Variants in VAV3 observed in about 807,000 individuals in gnomAD.
VAV3 encodes guanine nucleotide exchange factor VAV3.
Under a neutral mutation model 131.2 loss-of-function variants are expected in VAV3, and 94 were observed. The observed-to-expected ratio is 0.72, with a 90% CI of 0.61 to 0.85. The LOEUF (loss-of-function observed/expected upper bound fraction) is 0.85. Ranked by LOEUF, VAV3 falls within the 40% of genes least tolerant of loss-of-function variation. The probability of loss-of-function intolerance (pLI) is 0.00; values close to 1 mark genes in which losing one functional copy is unlikely to be tolerated. For synonymous variants in VAV3, 349 were observed against 342.0 expected (o/e 1.02, Z -0.22); for missense variants, 939 against 1,002.7 (o/e 0.94, Z 0.86).
chr1:107,586,311 A>G (rs370027221), intron 25 of VAV3, among the ~76,000 whole-genome samples: 1 of 152,316 alleles, frequency 6.6e-6, no homozygotes, highest in East Asian at 1.9e-4. Flanking sequence ...GCCCTGAAGT[A>G]GGCTCTCAAT....
At chr1:107,815,357 T>C (rs1291998276) in intron 2 of VAV3, among the ~76,000 whole-genome samples, 1 of 152,218 alleles carries the variant, frequency 6.6e-6, no homozygotes, top group Non-Finnish European at 1.5e-5. Context: ...TCACAGCAAC[T>C]GGCAGCAGCA....
chr1:107,757,313 G>GT lies in VAV3; in HGVS notation c.1033dup (p.Thr345AsnfsTer3), dbSNP rs757662530. 2 of 1,613,056 alleles carry GT rather than the reference G, an allele frequency of 1.2e-6. No homozygotes were observed. Among genetic ancestry groups the GT allele is most frequent in the South Asian group, 2.2e-5 (2 of 90,934 alleles). The stretch of plus-strand genomic sequence containing the variant: ...ATTTGCCTTCTCAGTCGGATCAGTG[G>GT]TATGTTTGACCAGTTCCTATTTGGA... On this transcript the variant is annotated frameshift_variant, in exon 11 of 27. Transcript: ENST00000370056. LOFTEE classifies it high-confidence loss of function.
At chr1:107,575,020 C>CTTT (rs1649539389) in intron 25 of VAV3, among the ~76,000 whole-genome samples, 3 of 71,004 alleles carry the variant, frequency 4.2e-5, no homozygotes, top group Non-Finnish European at 5.9e-5. Flanking sequence ...CGCGCGCACA[C>CTTT]GCGCGCGTGT....
At chr1:107,616,495 G>A (rs1204061217) in intron 21 of VAV3, among the ~76,000 whole-genome samples, 1 of 152,138 alleles carries the variant, frequency 6.6e-6, no homozygotes, top group Admixed American at 6.6e-5. Flanking sequence ...ACTATGCTTA[G>A]AAACTGAGTG....
rs529956560 is a variant in VAV3, at chr1:107,726,116, C to T, written c.1503-21055G>A. Reference sequence around the variant, plus strand: ...TTAAATAATAATGTGTGACAGCCTACCTTCAGGATATTTGAAAAAAATCAA... The same window carrying T: ...TTAAATAATAATGTGTGACAGCCTATCTTCAGGATATTTGAAAAAAATCAA... On this transcript the variant is annotated intron_variant, in intron 15 of 26. Transcript: ENST00000370056. Among the ~76,000 whole-genome samples, 82 of 152,148 alleles carry T rather than the reference C, an allele frequency of 5.4e-4. 1 individual carries two copies. The highest frequency in any genetic ancestry group is 2.9e-5 in the Non-Finnish European group (2 of 68,016).
intron 1 of VAV3, among the ~76,000 whole-genome samples, chr1:107,955,480 A>G (rs1674762425): frequency 6.6e-6 from 1 of 152,030 alleles, no homozygotes; most frequent in Non-Finnish European, 1.5e-5. Flanking sequence ...GGCATCCTCA[A>G]TCAAGCCAAA....
chr1:107,797,160 A>G (rs1283590677), intron 2 of VAV3, among the ~76,000 whole-genome samples: 1 of 152,168 alleles, frequency 6.6e-6, no homozygotes, highest in Non-Finnish European at 1.5e-5. Flanking sequence ...TGTCAATTTT[A>G]TATAGTAAAA....
chr1:107,757,378 G>T (rs750127998), intron 10 of VAV3, 49 bp from the exon 11 acceptor site: 1 of 1,455,698 alleles, frequency 6.9e-7, no homozygotes, highest in Non-Finnish European at 9.4e-7. Flanking sequence ...TTAAAACTAA[G>T]ACATACTAAA....
chr1:107,669,303 C>T, intron 19 of VAV3: 1 of 1,289,076 alleles, frequency 7.8e-7, no homozygotes, highest in South Asian at 1.2e-5. Flanking sequence ...AAAAGAGCTA[C>T]CCAGTATTGT....
intron 7 of VAV3, among the ~76,000 whole-genome samples, chr1:107,768,232 C>T (rs1664842497): frequency 6.6e-6 from 1 of 152,106 alleles, no homozygotes; most frequent in Non-Finnish European, 1.5e-5. Context: ...GTTCTTCGTA[C>T]ATGTTGACTG....
rs1226900926 is a variant in VAV3, at chr1:107,896,308, G to A, written c.205-21291C>T. 5.1e-4 allele frequency among the ~76,000 whole-genome samples: 78 copies of A among 152,108 alleles called. 1 individual carries two copies. The highest frequency in any genetic ancestry group is 5.1e-3 in the Admixed American group (78 of 15,270). The stretch of plus-strand genomic sequence containing the variant: ...CAAGTCCTTAAGAAAAGCAAGTGGA[G>A]TGCCTCTCCCCATCCCCACCCCACC... On this transcript the variant is annotated intron_variant, in intron 1 of 26. Transcript: ENST00000370056.
intron 19 of VAV3, among the ~76,000 whole-genome samples, chr1:107,659,656 TA>T (rs1372260104): frequency 6.6e-6 from 1 of 152,234 alleles, no homozygotes; most frequent in Non-Finnish European, 1.5e-5. Flanking sequence ...GATTTAGTCA[TA>T]TTTTTTAGGA....
At chr1:107,922,868 C>T (rs1449643293) in intron 1 of VAV3, among the ~76,000 whole-genome samples, 1 of 150,492 alleles carries the variant, frequency 6.6e-6, no homozygotes, top group African/African-American at 2.4e-5. Context: ...GGGAGAATGG[C>T]GTGAACCCGG....
intron 1 of VAV3, chr1:107,897,207 T>G (rs904648873): frequency 1.3e-5 from 2 of 151,488 alleles, no homozygotes; most frequent in East Asian, 4.0e-4. Flanking sequence ...AAATATATAT[T>G]GAACAACTAA....
At chr1:107,576,524 G>A in intron 25 of VAV3, 2 of 1,423,192 alleles carry the variant, frequency 1.4e-6, no homozygotes, top group Non-Finnish European at 1.9e-6. Flanking sequence ...TTTAGGTATT[G>A]GCAAAAATAT....
chr1:107,950,091 G>A (rs996460670), intron 1 of VAV3, among the ~76,000 whole-genome samples: 2 of 150,842 alleles, frequency 1.3e-5, no homozygotes, highest in Non-Finnish European at 2.9e-5. Flanking sequence ...CATCGATAAC[G>A]CTCTCCAAGC....
At chr1:107,781,341 T>C (rs1196657795) in intron 2 of VAV3, among the ~76,000 whole-genome samples, 2 of 152,200 alleles carry the variant, frequency 1.3e-5, no homozygotes, top group East Asian at 1.9e-4. Flanking sequence ...GAATTACATA[T>C]AGATGACGAC....
rs552188434 is a variant in VAV3 at position 107,866,860 on chromosome 1, T to C, written c.321+8041A>G. ...AAAAAAAAAAAAAATAGGGCATTTG[T>C]AACCATTTAGCTCCTGGCAGGGTGA... On this transcript the variant is annotated intron_variant, in intron 2 of 26. Coordinates refer to ENST00000370056, the MANE Select transcript of VAV3 (RefSeq NM_006113.5). 7.3e-4 allele frequency among the ~76,000 whole-genome samples: 107 copies of C among 146,214 alleles called. No homozygotes were observed. The South Asian group carries it at 0.022, about 30-fold the overall frequency.
intron 15 of VAV3, among the ~76,000 whole-genome samples, chr1:107,738,836 AAC>A (rs533788260): frequency 2.4e-4 from 37 of 152,346 alleles, no homozygotes; most frequent in African/African-American, 8.7e-4. Context: ...TAGTACAACA[AAC>A]AACTCCAAAA....
Sources: allele counts gnomAD v4.1 joint callset (sites outside exome capture counted in the v4.1 genomes callset), GRCh38; gene constraint gnomAD v4.1.1; transcripts MANE v1.5; gene names NCBI Gene and HGNC (gene_info 2026-07-23, HGNC 2026-07-21).